The following TBCD variants were observed in gnomAD, a reference collection of about 807,000 sequenced individuals.
TBCD encodes tubulin-specific chaperone D.
A neutral mutation model predicts 169.3 loss-of-function variants in TBCD; 105 were observed. The ratio of observed to expected loss-of-function variants is 0.62; its 90% CI spans 0.53 to 0.73. TBCD has a LOEUF of 0.73. Ranked by LOEUF, TBCD falls within the 30% of genes least tolerant of loss-of-function variation. The pLI is 0.00. For synonymous variants in TBCD, 700 were observed against 643.9 expected (o/e 1.09, Z -1.32); for missense variants, 1,444 against 1,600.1 (o/e 0.90, Z 1.66).
rs72858316 is a variant in TBCD at position 82,806,877 on chromosome 17, C to T, written c.1088-731C>T. 3.4e-3 allele frequency among the ~76,000 whole-genome samples: 511 copies of T among 152,344 alleles called. 4 individuals are homozygous for T. The highest frequency in any genetic ancestry group is 6.5e-3 in the Non-Finnish European group (439 of 68,034). ...TGCGTGGTAGGCGCCCGCATCTGTGCTGGGCGGCTCTGAGTCCCGGGCGGG... is the reference window on the plus strand; with the variant it reads ...TGCGTGGTAGGCGCCCGCATCTGTGTTGGGCGGCTCTGAGTCCCGGGCGGG... On this transcript the variant is annotated intron_variant, in intron 10 of 38. Coordinates refer to ENST00000355528, the MANE Select transcript of TBCD (RefSeq NM_005993.5). The surrounding 1 kb of genome is among the most constrained non-coding windows in gnomAD (Gnocchi z 5.1).
At position 82,862,380 on chromosome 17, in the gene TBCD, C is replaced by T. The variant is rs1017009347; in HGVS notation, c.1319-7844C>T. ...GGAGAAGCCTCTCGGCGGAGGAAGCCGGAGGGAGAAGCCTCTCGGTGGAGG... is the reference window on the plus strand; with the variant it reads ...GGAGAAGCCTCTCGGCGGAGGAAGCTGGAGGGAGAAGCCTCTCGGTGGAGG... On this transcript the variant is annotated intron_variant, in intron 13 of 38. Coordinates refer to ENST00000355528, the MANE Select transcript of TBCD (RefSeq NM_005993.5). Among the ~76,000 whole-genome samples the T allele has an allele frequency of 9.2e-5, 14 of 151,716 alleles. 1 individual carries two copies. The highest frequency in any genetic ancestry group is 2.0e-4 in the Admixed American group (3 of 15,238).
intron 30 of TBCD, among the ~76,000 whole-genome samples, 186 bp from the exon 31 acceptor site, chr17:82,928,927 C>T (rs544698520): frequency 5.9e-5 from 9 of 152,256 alleles, no homozygotes; most frequent in Admixed American, 2.0e-4. Context: ...GTGAAGGTAA[C>T]GGAGTGTGGT....
rs1377381062 is a variant in TBCD, at chr17:82,941,297, C to T, written c.3480-102C>T. The T allele has an allele frequency of 4.9e-6, 5 of 1,020,812 alleles. No individual in the cohort carries two copies. The Admixed American group carries it at 1.2e-4, about 25-fold the overall frequency. 63.2% of individuals were successfully genotyped at this position (1,020,812 alleles called of 1,614,324 possible). ...CTATGGATGTCGGGGGTGAGGTCTCCTTTCCCTGACTGCGGCCATGGAAGC... is the reference window on the plus strand; with the variant it reads ...CTATGGATGTCGGGGGTGAGGTCTCTTTTCCCTGACTGCGGCCATGGAAGC... On this transcript the variant is annotated intron_variant, in intron 37 of 38. Coordinates refer to ENST00000355528, the MANE Select transcript of TBCD (RefSeq NM_005993.5).
intron 12 of TBCD, among the ~76,000 whole-genome samples, chr17:82,811,811 C>T (rs1724249860): frequency 1.3e-5 from 2 of 152,160 alleles, no homozygotes; most frequent in Non-Finnish European, 2.9e-5. Context: ...GGTGGCTGCT[C>T]CAATCTTGTC....
rs747834755 is a variant in TBCD, at chr17:82,932,716, A to G, written c.3172A>G (p.Ile1058Val). 1.2e-6 allele frequency: 2 copies of G among 1,613,974 alleles called. No homozygotes were observed. The highest frequency in any genetic ancestry group is 8.5e-7 in the Non-Finnish European group (1 of 1,179,902). Residue 1058 changes from isoleucine to valine, a missense_variant, in exon 34 of 39, where the codon ATC (isoleucine) becomes GTC (valine). Transcript: ENST00000355528. ...DHVLTHGCFD[I>V]FTTEEDHPFA... is the part of the protein sequence containing the mutation. The stretch of plus-strand genomic sequence containing the variant: ...CGTGCTCACCCACGGCTGCTTCGAC[A>G]TCTTCACCACGGAGGAGGAGTGAGG...
intron 7 of TBCD, among the ~76,000 whole-genome samples, chr17:82,786,686 A>C (rs949052931): frequency 6.6e-6 from 1 of 152,074 alleles, no homozygotes. Context: ...GCTGTGGGCC[A>C]CTGCGTTCAG....
At chr17:82,917,445 G>A (rs2061128658) in intron 23 of TBCD, among the ~76,000 whole-genome samples, 1 of 152,006 alleles carries the variant, frequency 6.6e-6, no homozygotes, top group African/African-American at 2.4e-5. Flanking sequence ...ATTAAGCATG[G>A]TTTAAAATCT....
In TBCD at chr17:82,789,162, C is replaced by T. The variant is rs142187984; in HGVS notation, c.771+7441C>T. On this transcript the variant is annotated intron_variant, in intron 7 of 38. Coordinates refer to ENST00000355528, the MANE Select transcript of TBCD (RefSeq NM_005993.5). The surrounding 1 kb of genome is among the most constrained non-coding windows in gnomAD (Gnocchi z 4.8). ...ATGCTCCTGTAGCATTTGGGTGAAACGAGGTACCCCAGGCCACGCTGGTTC... is the reference window on the plus strand; with the variant it reads ...ATGCTCCTGTAGCATTTGGGTGAAATGAGGTACCCCAGGCCACGCTGGTTC... Among the ~76,000 whole-genome samples, 5 of 152,256 alleles carry T rather than the reference C, an allele frequency of 3.3e-5. No individual in the cohort carries two copies. The highest frequency in any genetic ancestry group is 3.9e-4 in the East Asian group (2 of 5,180).
At chr17:82,790,618 C>T (rs534484688) in intron 7 of TBCD, among the ~76,000 whole-genome samples, 5 of 152,338 alleles carry the variant, frequency 3.3e-5, no homozygotes, top group Admixed American at 2.0e-4. Context: ...GTGGCCAGCC[C>T]GTGGGACCCC....
chr17:82,805,792 C>A, intron 9 of TBCD, 83 bp from the exon 10 acceptor site: 2 of 1,490,216 alleles, frequency 1.3e-6, no homozygotes, highest in Non-Finnish European at 9.1e-7. Context: ...CTTTAAGATT[C>A]AAAGTGACAC....
rs1275915896 is a variant in TBCD, at chr17:82,923,754, T to G, written c.2260+21T>G. The G allele has an allele frequency of 6.3e-7, 1 of 1,579,158 alleles. No homozygotes were observed. The highest frequency in any genetic ancestry group is 8.6e-7 in the Non-Finnish European group (1 of 1,161,920). ...TCAGGGTGAGTGGGGAGCCCTTTTC[T>G]TGAAGACTCCAGGGGCTTCCAGCAG... On this transcript the variant is annotated intron_variant, in intron 26 of 38. Transcript: ENST00000355528. The surrounding 1 kb of genome is among the most constrained non-coding windows in gnomAD (Gnocchi z 4.6).
chr17:82,769,293 A>C (rs2048183283), intron 5 of TBCD, among the ~76,000 whole-genome samples: 1 of 152,242 alleles, frequency 6.6e-6, no homozygotes, highest in South Asian at 2.1e-4. Context: ...AAAGCCTGCA[A>C]GGGAGAAACT....
chr17:82,792,574 C>G (rs1158590940), intron 7 of TBCD, among the ~76,000 whole-genome samples: 1 of 152,186 alleles, frequency 6.6e-6, no homozygotes, highest in Non-Finnish European at 1.5e-5. Context: ...TCCACACTCT[C>G]TTTGAGAGCT....
chr17:82,835,336 C>G lies in TBCD; in HGVS notation c.1318+20402C>G, dbSNP rs1345935302. Among the ~76,000 whole-genome samples the G allele has an allele frequency of 6.6e-6, 1 of 152,208 alleles. No individual in the cohort carries two copies. The highest frequency in any genetic ancestry group is 2.4e-5 in the African/African-American group (1 of 41,462). ...CCAGGGGCCAGGGGTGGTGGCTGGG[C>G]TTTCATATGGCTGCCCCGAACTCTG... On this transcript the variant is annotated intron_variant, in intron 13 of 38. Transcript: ENST00000355528. The surrounding 1 kb of genome is among the most constrained non-coding windows in gnomAD (Gnocchi z 4.5).
At chr17:82,919,215 A>C (rs184704664) in intron 23 of TBCD, among the ~76,000 whole-genome samples, 287 of 152,208 alleles carry the variant, frequency 1.9e-3, no homozygotes, top group African/African-American at 6.1e-3. Context: ...AGGTCCCAGC[A>C]GCCCCTCGCT....
chr17:82,778,771 C>A (rs1481785407), intron 6 of TBCD, among the ~76,000 whole-genome samples: 1 of 151,096 alleles, frequency 6.6e-6, no homozygotes, highest in Non-Finnish European at 1.5e-5. Context: ...AAGTGATTAT[C>A]CTGCCTCAGC....
intron 13 of TBCD, among the ~76,000 whole-genome samples, chr17:82,865,914 G>A (rs1480794460): frequency 6.6e-6 from 1 of 152,168 alleles, no homozygotes; most frequent in Non-Finnish European, 1.5e-5. Context: ...TAGAGAGAAG[G>A]GTTTTTCAAT....
chr17:82,755,111 G>A (rs918190027), intron 1 of TBCD, among the ~76,000 whole-genome samples: 1 of 152,228 alleles, frequency 6.6e-6, no homozygotes, highest in South Asian at 2.1e-4. Context: ...TCTTGGGTGG[G>A]AGGGCGTCCA....
intron 35 of TBCD, 75 bp downstream of exon 35, chr17:82,937,435 G>C: frequency 7.6e-7 from 1 of 1,307,362 alleles, no homozygotes; most frequent in South Asian, 1.2e-5. Flanking sequence ...AGGAGTCCAC[G>C]GCTCCAGGCG....
Sources: gnomAD v4.1 joint callset for allele counts (sites outside exome capture counted in the v4.1 genomes callset) on GRCh38, gnomAD v4.1.1 for gene constraint, Gnocchi (gnomAD v3.1) non-coding constraint, MANE v1.5 for transcripts, NCBI Gene and HGNC (gene_info 2026-07-23, HGNC 2026-07-21) for gene names.